Variants in UNC79 observed in about 807,000 individuals in gnomAD.
UNC79 encodes the protein protein unc-79 homolog.
UNC79 carries 37 observed loss-of-function variants against 283.1 expected under a neutral mutation model. The ratio of observed to expected loss-of-function variants is 0.13; its 90% confidence interval spans 0.10 to 0.17. The LOEUF (loss-of-function observed/expected upper bound fraction) is 0.17, where lower values mean the gene tolerates loss of function less well. UNC79 is among the 10% of genes least tolerant of loss of function. The pLI, the probability that UNC79 is intolerant of heterozygous loss-of-function variation, is 1.00. For missense variants in UNC79, 2,272 were observed against 3,211.1 expected (o/e 0.71, Z 7.07); for synonymous variants, 1,107 against 1,200.2 (o/e 0.92, Z 1.61).
intron 7 of UNC79, among the ~76,000 whole-genome samples, chr14:93,520,065 T>C (rs1043740356): frequency 5.3e-5 from 8 of 151,962 alleles, no homozygotes; most frequent in Non-Finnish European, 7.4e-5. Context: ...AAAACTTCCT[T>C]TAACATTTCT....
At chr14:93,695,205 T>C (rs1355045567) in intron 47 of UNC79, among the ~76,000 whole-genome samples, 2 of 152,154 alleles carry the variant, frequency 1.3e-5, no homozygotes, top group Non-Finnish European at 2.9e-5. Context: ...TTCACCTCTA[T>C]ATTCTATTAT....
At chr14:93,700,951 G>A (rs1171598379) in intron 47 of UNC79, among the ~76,000 whole-genome samples, 1 of 151,950 alleles carries the variant, frequency 6.6e-6, no homozygotes, top group Non-Finnish European at 1.5e-5. Flanking sequence ...TGCATGTACT[G>A]GTCAGCACTC....
intron 1 of UNC79, among the ~76,000 whole-genome samples, chr14:93,463,605 G>C (rs2057041822): frequency 6.6e-6 from 1 of 152,146 alleles, no homozygotes; most frequent in African/African-American, 2.4e-5. Flanking sequence ...TGTTTGACAG[G>C]ACAAGGAAAG....
intron 14 of UNC79, among the ~76,000 whole-genome samples, chr14:93,568,538 G>C (rs533354574): frequency 6.6e-6 from 1 of 152,178 alleles, no homozygotes; most frequent in African/African-American, 2.4e-5. Flanking sequence ...GCTGGGTGTG[G>C]TGGCGGGTGG....
intron 40 of UNC79, among the ~76,000 whole-genome samples, chr14:93,664,164 C>G (rs1246935036): frequency 1.3e-5 from 2 of 152,014 alleles, no homozygotes; most frequent in Non-Finnish European, 2.9e-5. Context: ...TATAAGAAAT[C>G]GTTTAAAAAT....
intron 30 of UNC79, among the ~76,000 whole-genome samples, chr14:93,625,924 C>T (rs2067536817): frequency 1.3e-5 from 2 of 152,306 alleles, no homozygotes; most frequent in South Asian, 4.1e-4. Flanking sequence ...AATTCCTTAA[C>T]ATGACCAGTG....
intron 27 of UNC79, among the ~76,000 whole-genome samples, chr14:93,613,910 A>G (rs1397398730): frequency 6.6e-6 from 1 of 152,156 alleles, no homozygotes; most frequent in Admixed American, 6.6e-5. Context: ...GTTTGGTGTA[A>G]AACAGCTAAA....
intron 1 of UNC79, among the ~76,000 whole-genome samples, chr14:93,374,330 A>G (rs958854542): frequency 1.3e-5 from 2 of 152,214 alleles, no homozygotes; most frequent in African/African-American, 2.4e-5. Context: ...TACCTGAGGC[A>G]TTGGGGGCTC....
chr14:93,508,762 G>T (rs2059673281), intron 7 of UNC79, among the ~76,000 whole-genome samples: 1 of 152,024 alleles, frequency 6.6e-6, no homozygotes, highest in African/African-American at 2.4e-5. Context: ...TCAATTATTA[G>T]TTCTAGTAGT....
intron 1 of UNC79, among the ~76,000 whole-genome samples, chr14:93,433,387 T>G (rs190015361): frequency 9.2e-5 from 14 of 152,356 alleles, no homozygotes; most frequent in Non-Finnish European, 8.8e-5. Flanking sequence ...TCGTGTATGT[T>G]ATGTACCTGA....
rs748885718 is a variant in UNC79 at position 93,575,075 on chromosome 14, T to G, written c.2088T>G (p.Asp696Glu). The G allele has an allele frequency of 5.0e-6, 8 of 1,612,926 alleles. No homozygotes were observed. In the South Asian group the frequency reaches 8.8e-5, roughly 18 times the overall value. Residue 696 changes from aspartate (D) to glutamate (E), a missense_variant, in exon 17 of 49, where the codon GAT becomes GAG. Transcript: ENST00000555664. ...TTCCCTAGGTATTATCGGAGTTAGA[T>G]ATCATGGTTCCACTTCAACTACTAA...
At chr14:93,645,185 A>G (rs1208754899) in intron 34 of UNC79, among the ~76,000 whole-genome samples, 4 of 152,196 alleles carry the variant, frequency 2.6e-5, no homozygotes, top group Admixed American at 2.6e-4. Flanking sequence ...TGTCATAGCT[A>G]TATAGAGGGG....
At chr14:93,379,308 TGA>T (rs557764223) in intron 1 of UNC79, among the ~76,000 whole-genome samples, 1 of 152,034 alleles carries the variant, frequency 6.6e-6, no homozygotes, top group Non-Finnish European at 1.5e-5. Context: ...TGGTGGAGGT[TGA>T]GAGAGAGTTT....
intron 39 of UNC79, among the ~76,000 whole-genome samples, chr14:93,660,016 G>A (rs2071366971): frequency 6.6e-6 from 1 of 152,128 alleles, no homozygotes. Context: ...GCCCTGAAGT[G>A]GTTCCAATGA....
intron 1 of UNC79, among the ~76,000 whole-genome samples, chr14:93,367,435 A>G (rs1436029224): frequency 6.6e-6 from 1 of 152,218 alleles, no homozygotes; most frequent in African/African-American, 2.4e-5. Context: ...TGGCCAATGA[A>G]ATTGTGTTCC....
At chr14:93,357,287 T>C (rs551861072) in intron 1 of UNC79, among the ~76,000 whole-genome samples, 2 of 152,204 alleles carry the variant, frequency 1.3e-5, no homozygotes, top group African/African-American at 2.4e-5. Flanking sequence ...CTAATGGGCA[T>C]TGTGATGGTC....
chr14:93,347,890 T>C lies in UNC79; in HGVS notation c.-351+14367T>C, dbSNP rs2053896405. On this transcript the variant is annotated intron_variant, in intron 1 of 49. Transcript: ENST00000256339. ...GTGATCCATGAATCGATTTTCAGCATTTTAGATTTCACTAGGCGCCTGTTT... is the reference window on the plus strand; with the variant it reads ...GTGATCCATGAATCGATTTTCAGCACTTTAGATTTCACTAGGCGCCTGTTT... 4 of 581,616 alleles carry C rather than the reference T, an allele frequency of 6.9e-6. No homozygotes were observed. The South Asian group carries it at 7.0e-5, about 10-fold the overall frequency. 36.0% of individuals were successfully genotyped at this position (581,616 alleles called of 1,614,324 possible). A position where few individuals can be genotyped will look rare whatever the true frequency, so the allele number is the denominator to read the frequency against.
chr14:93,333,572 G>C, intron 1 of UNC79: 1 of 396,220 alleles, frequency 2.5e-6, no homozygotes, highest in Non-Finnish European at 4.4e-6. Flanking sequence ...CTTGCTACTT[G>C]TGTAGTAGGT....
chr14:93,521,974 A>C (rs755494120), intron 7 of UNC79, among the ~76,000 whole-genome samples: 1 of 151,686 alleles, frequency 6.6e-6, no homozygotes, highest in Non-Finnish European at 1.5e-5. Flanking sequence ...TTTGATACAT[A>C]GCAAAACTTA....
Sources: allele counts gnomAD v4.1 joint callset (sites outside exome capture counted in the v4.1 genomes callset), GRCh38; gene constraint gnomAD v4.1.1; transcripts MANE v1.5; gene names NCBI Gene and HGNC (gene_info 2026-07-23, HGNC 2026-07-21).